IL1RAPL2: variants seen among roughly 807,000 people sequenced by gnomAD.
IL1RAPL2 encodes the protein interleukin 1 receptor accessory protein like 2.
IL1RAPL2 carries 3 observed loss-of-function variants against 44.1 expected under a neutral mutation model. The observed-to-expected ratio is 0.07, with a 90% CI of 0.03 to 0.18. The LOEUF is 0.18. Among genes scored for constraint, IL1RAPL2 ranks in the 10% least tolerant of loss-of-function variants. The pLI is 1.00. For missense variants in IL1RAPL2, 391 were observed against 496.4 expected (o/e 0.79, Z 2.02); for synonymous variants, 181 against 178.8 (o/e 1.01, Z -0.10).
chrX:105,099,221 C>T (rs910900110), intron 2 of IL1RAPL2, among the ~76,000 whole-genome samples: 1 of 111,265 alleles, frequency 9.0e-6, no homozygotes, highest in Non-Finnish European at 1.9e-5. Flanking sequence ...AGTAGTTCCC[C>T]ATTGTATCAG....
chrX:105,265,741 A>T lies in IL1RAPL2; in HGVS notation c.544-1647A>T, dbSNP rs537193603. ...TTCCTGCTAACATGAAAGAAAAAAA[A>T]TGTTATGAAAAAAATGGGTACTCGC... is the stretch of plus-strand genomic sequence containing the variant. On this transcript the variant is annotated intron_variant, in intron 4 of 10. Transcript: ENST00000372582. 4.5e-4 allele frequency among the ~76,000 whole-genome samples: 50 copies of T among 110,291 alleles called. No homozygotes were observed. In the South Asian group the frequency reaches 5.8e-3, roughly 13 times the overall value.
intron 2 of IL1RAPL2, among the ~76,000 whole-genome samples, chrX:104,895,812 G>A (rs925394518): frequency 2.7e-5 from 3 of 111,754 alleles, no homozygotes; most frequent in Non-Finnish European, 5.6e-5. Flanking sequence ...TGTCGGACAA[G>A]CCCCAGTGAG....
At chrX:104,800,122 C>T in intron 2 of IL1RAPL2, among the ~76,000 whole-genome samples, 1 of 110,491 alleles carries the variant, frequency 9.1e-6, no homozygotes, top group Admixed American at 9.7e-5. Context: ...TAAATTGAAG[C>T]TTATTTACTA....
At position 105,220,091 on chromosome X, in the gene IL1RAPL2, C is replaced by T. The variant is rs1427304289; in HGVS notation, c.357-13727C>T. The T allele has an allele frequency of 3.3e-6, 4 of 1,210,296 alleles. No individual in the cohort carries two copies. The Admixed American group carries it at 8.7e-5, about 26-fold the overall frequency. On this transcript the variant is annotated intron_variant, in intron 3 of 10. Transcript: ENST00000372582. ...AGGTCTGATGCCAAGGCCTGTGCGG[C>T]TGATTTGTGCAGTTTGGCGAAGCCG... is the stretch of plus-strand genomic sequence containing the variant.
At chrX:105,449,918 A>G (rs1308025283) in intron 5 of IL1RAPL2, among the ~76,000 whole-genome samples, 1 of 111,771 alleles carries the variant, frequency 8.9e-6, no homozygotes, top group African/African-American at 3.3e-5. Flanking sequence ...TGGGATTGCA[A>G]TGGGTCAGAT....
chrX:104,747,385 A>G (rs987341017), intron 2 of IL1RAPL2, among the ~76,000 whole-genome samples: 4 of 111,072 alleles, frequency 3.6e-5, no homozygotes, highest in Non-Finnish European at 7.6e-5. Context: ...TTACTGAGAC[A>G]GTGTCTGCCA....
chrX:104,585,527 G>T (rs1928544193), intron 1 of IL1RAPL2, among the ~76,000 whole-genome samples: 1 of 92,508 alleles, frequency 1.1e-5, no homozygotes, highest in Non-Finnish European at 2.1e-5. Flanking sequence ...TTGTTGTACA[G>T]ATTATTTCAT....
intron 5 of IL1RAPL2, among the ~76,000 whole-genome samples, chrX:105,390,188 T>C (rs1222170763): frequency 9.0e-6 from 1 of 111,500 alleles, no homozygotes; most frequent in African/African-American, 3.3e-5. Context: ...AATGTAAATC[T>C]AATCATATCA....
intron 2 of IL1RAPL2, among the ~76,000 whole-genome samples, chrX:104,802,156 C>T (rs189959918): frequency 9.1e-6 from 1 of 110,048 alleles, no homozygotes; most frequent in African/African-American, 3.3e-5. Flanking sequence ...ACCAGCCTGG[C>T]CAACTTGGTG....
chrX:105,113,273 C>T (rs1164591933), intron 2 of IL1RAPL2, among the ~76,000 whole-genome samples: 1 of 112,311 alleles, frequency 8.9e-6, no homozygotes, highest in African/African-American at 3.2e-5. Flanking sequence ...ATGGTATGTG[C>T]CACTACTGGG....
intron 5 of IL1RAPL2, among the ~76,000 whole-genome samples, chrX:105,377,370 CTGTGTG>C (rs750610467): frequency 6.1e-5 from 6 of 99,144 alleles, no homozygotes; most frequent in Non-Finnish European, 8.3e-5. Flanking sequence ...GTGTGTGTGT[CTGTGTG>C]TGTGTGTGTG....
At chrX:105,284,299 T>C (rs1378501046) in intron 5 of IL1RAPL2, among the ~76,000 whole-genome samples, 1 of 112,222 alleles carries the variant, frequency 8.9e-6, no homozygotes, top group African/African-American at 3.2e-5. Flanking sequence ...GACTCTACAT[T>C]TCCTTTTGGA....
At chrX:105,093,545 G>A (rs956602801) in intron 2 of IL1RAPL2, among the ~76,000 whole-genome samples, 2 of 111,681 alleles carry the variant, frequency 1.8e-5, no homozygotes, top group African/African-American at 6.5e-5. Flanking sequence ...CTGAAGCTCT[G>A]AAGTAATCTG....
At chrX:105,461,921 G>A (rs2036095497) in intron 5 of IL1RAPL2, among the ~76,000 whole-genome samples, 1 of 110,864 alleles carries the variant, frequency 9.0e-6, no homozygotes. Context: ...CATATAATTT[G>A]TAAATTGGTA....
intron 1 of IL1RAPL2, 39 bp downstream of exon 1, chrX:104,567,090 G>T (rs942361004): frequency 8.8e-6 from 1 of 113,243 alleles, no homozygotes; most frequent in African/African-American, 3.2e-5. Flanking sequence ...TGACTGGCAA[G>T]GGCCAGGGGA....
At chrX:105,556,990 T>C (rs2036901040) in intron 6 of IL1RAPL2, among the ~76,000 whole-genome samples, 1 of 112,344 alleles carries the variant, frequency 8.9e-6, no homozygotes, top group South Asian at 3.6e-4. Flanking sequence ...TTCATATGGC[T>C]TTTCTGCTAT....
At position 105,415,261 on chromosome X, in the gene IL1RAPL2, A is replaced by G. The variant is rs372875453; in HGVS notation, c.698-69052A>G. Among the ~76,000 whole-genome samples, 5 of 112,148 alleles carry G rather than the reference A, an allele frequency of 4.5e-5. No individual in the cohort carries two copies. In the South Asian group the frequency reaches 1.1e-3, roughly 25 times the overall value. Reference sequence around the variant, plus strand: ...AAGGCATAATATGTATATCCACAGTAGTGAACACAATGGGAATGGAGTGTG... The same window carrying G: ...AAGGCATAATATGTATATCCACAGTGGTGAACACAATGGGAATGGAGTGTG... On this transcript the variant is annotated intron_variant, in intron 5 of 10. Transcript: ENST00000372582.
intron 2 of IL1RAPL2, among the ~76,000 whole-genome samples, chrX:105,003,345 A>G: frequency 9.0e-6 from 1 of 111,438 alleles, no homozygotes; most frequent in Middle Eastern, 4.7e-3. Context: ...TTATCACCCA[A>G]AATACAGATG....
At chrX:104,570,916 A>G (rs917103585) in intron 1 of IL1RAPL2, among the ~76,000 whole-genome samples, 8 of 108,153 alleles carry the variant, frequency 7.4e-5, no homozygotes, top group African/African-American at 2.7e-4. Context: ...TAAGACACTG[A>G]CTTGACATTT....
Sources: allele counts gnomAD v4.1 joint callset (sites outside exome capture counted in the v4.1 genomes callset), GRCh38; gene constraint gnomAD v4.1.1; transcripts MANE v1.5; gene names NCBI Gene and HGNC (gene_info 2026-07-23, HGNC 2026-07-21).